Variants in CCT3 observed in about 807,000 individuals in gnomAD.
The protein encoded by CCT3 is chaperonin containing TCP1 subunit 3.
Under a neutral mutation model 65.3 loss-of-function variants are expected in CCT3, and 10 were observed. That is an observed-to-expected ratio of 0.15 (90% CI 0.09 to 0.26). The LOEUF (loss-of-function observed/expected upper bound fraction) is 0.26. Among genes scored for constraint, CCT3 ranks in the 10% least tolerant of loss-of-function variants. CCT3 has a pLI of 1.00. For synonymous variants in CCT3, 225 were observed against 242.3 expected (o/e 0.93, Z 0.66); for missense variants, 626 against 708.7 (o/e 0.88, Z 1.33).
chr1:156,319,958 G>A (rs1664483123), intron 7 of CCT3, among the ~76,000 whole-genome samples: 1 of 152,174 alleles, frequency 6.6e-6, no homozygotes, highest in Non-Finnish European at 1.5e-5. Flanking sequence ...CAAACATGGA[G>A]ACACCAATAA....
intron 6 of CCT3, among the ~76,000 whole-genome samples, chr1:156,323,391 A>G (rs1664652232): frequency 1.3e-5 from 2 of 151,546 alleles, no homozygotes; most frequent in Admixed American, 6.6e-5. Flanking sequence ...TGACTCAACC[A>G]TATGAGTAGA....
intron 7 of CCT3, among the ~76,000 whole-genome samples, chr1:156,319,698 C>T (rs1664468990): frequency 6.6e-6 from 1 of 151,890 alleles, no homozygotes; most frequent in Admixed American, 6.6e-5. Flanking sequence ...ACATTGAGAC[C>T]CAATTGCTAT....
chr1:156,318,731 T>C (rs1413748662), intron 8 of CCT3, 137 bp downstream of exon 8: 16 of 735,222 alleles, frequency 2.2e-5, no homozygotes, highest in Middle Eastern at 4.1e-4. Flanking sequence ...ATACCAACTA[T>C]TCTAAAGGAT....
chr1:156,328,453 T>G (rs1570931869), intron 5 of CCT3, among the ~76,000 whole-genome samples: 1 of 152,026 alleles, frequency 6.6e-6, no homozygotes, highest in African/African-American at 2.4e-5. Context: ...AATCGGATGG[T>G]TGCCGTGTCT....
At chr1:156,322,834 G>A (rs1289942341) in intron 6 of CCT3, among the ~76,000 whole-genome samples, 2 of 152,190 alleles carry the variant, frequency 1.3e-5, no homozygotes, top group African/African-American at 4.8e-5. Context: ...ATTCCAGCCT[G>A]AGCAACAAGA....
chr1:156,313,632 G>A (rs1168596992), intron 10 of CCT3, among the ~76,000 whole-genome samples: 1 of 152,174 alleles, frequency 6.6e-6, no homozygotes, highest in Admixed American at 6.6e-5. Context: ...TTGAAGTCAG[G>A]AAGTACTTTT....
intron 6 of CCT3, among the ~76,000 whole-genome samples, chr1:156,323,182 T>C (rs1664639623): frequency 6.6e-6 from 1 of 151,872 alleles, no homozygotes; most frequent in Admixed American, 6.6e-5. Context: ...TGCACATGCC[T>C]GTAATCCCAG....
intron 1 of CCT3, chr1:156,337,106 A>C (rs552555009): frequency 3.1e-6 from 4 of 1,285,240 alleles, no homozygotes; most frequent in African/African-American, 3.0e-5. Context: ...GGTGGTGCTC[A>C]TCAGAAAAAA....
At chr1:156,316,384 C>T (rs547976080) in intron 10 of CCT3, among the ~76,000 whole-genome samples, 86 of 152,282 alleles carry the variant, frequency 5.6e-4, no homozygotes, top group African/African-American at 2.0e-3. Flanking sequence ...TGACTGCATA[C>T]GTCTGACCGA....
At chr1:156,312,246 A>C in intron 10 of CCT3, 25 bp from the exon 11 acceptor site, 2 of 1,606,368 alleles carry the variant, frequency 1.2e-6, no homozygotes, top group South Asian at 2.2e-5. Flanking sequence ...AGGTGGGGAG[A>C]ATCAGATGAT....
At chr1:156,325,893 C>G (rs1664781578) in intron 5 of CCT3, among the ~76,000 whole-genome samples, 1 of 151,552 alleles carries the variant, frequency 6.6e-6, no homozygotes, top group African/African-American at 2.4e-5. Context: ...TTCTCTTGAT[C>G]TTTCTAAAAA....
At chr1:156,319,944 TAC>T (rs1367700927) in intron 7 of CCT3, among the ~76,000 whole-genome samples, 1 of 152,156 alleles carries the variant, frequency 6.6e-6, no homozygotes, top group Non-Finnish European at 1.5e-5. Context: ...TGTATGCAAA[TAC>T]ACAAACATGG....
At chr1:156,335,776 A>G (rs1338474477) in intron 2 of CCT3, 51 bp downstream of exon 2, 1 of 1,487,356 alleles carries the variant, frequency 6.7e-7, no homozygotes, top group Non-Finnish European at 9.4e-7. Context: ...ACCAAATACC[A>G]GGAAAGATAG....
intron 5 of CCT3, chr1:156,332,627 C>T (rs1416522299): frequency 6.6e-6 from 1 of 152,108 alleles, no homozygotes; most frequent in Non-Finnish European, 1.5e-5. Context: ...AGCTCTCACA[C>T]TGTAAAAAAA....
intron 5 of CCT3, among the ~76,000 whole-genome samples, chr1:156,327,031 G>T (rs528456719): frequency 6.6e-6 from 1 of 152,284 alleles, no homozygotes; most frequent in South Asian, 2.1e-4. Flanking sequence ...GGGTGATAGA[G>T]TGAGACTCTG....
In CCT3 at chr1:156,311,069, C is replaced by T; in HGVS notation, c.1282G>A (p.Ala428Thr). 1 of 1,614,086 alleles carries T rather than the reference C, an allele frequency of 6.2e-7. No individual in the cohort carries two copies. The highest frequency in any genetic ancestry group is 8.5e-7 in the Non-Finnish European group (1 of 1,180,028). The change falls in exon 12 of 14, where the codon GCC becomes ACC. Residue 428 changes from alanine to threonine, a missense_variant. By Grantham distance (58) the Ala-to-Thr change is moderately conservative (BLOSUM62 0). Transcript: ENST00000295688. ...GGCCATTGTTCCACACCAGTCATGG[C>T]CTTGGATTTTTCTGTCAAGGCATGG... ...VAHALTEKSKAMTGVEQWPYR... is the reference protein window; with the variant it reads ...VAHALTEKSKTMTGVEQWPYR...
intron 2 of CCT3, 137 bp from the exon 3 acceptor site, chr1:156,335,055 G>T: frequency 1.4e-6 from 1 of 691,926 alleles, no homozygotes; most frequent in Admixed American, 3.0e-5. Context: ...TTTATTTTTA[G>T]ATATGGGGTC....
intron 10 of CCT3, among the ~76,000 whole-genome samples, chr1:156,316,780 T>C (rs548449786): frequency 3.9e-5 from 6 of 152,298 alleles, no homozygotes; most frequent in African/African-American, 1.4e-4. Context: ...GCTAAGGATG[T>C]AGCTGAGGAA....
chr1:156,325,982 T>C (rs1056355848), intron 5 of CCT3, among the ~76,000 whole-genome samples: 1 of 152,250 alleles, frequency 6.6e-6, no homozygotes, highest in South Asian at 2.1e-4. Context: ...CTTTATACCT[T>C]AGGATGTAGT....
Sources: allele counts gnomAD v4.1 joint callset (sites outside exome capture counted in the v4.1 genomes callset), GRCh38; gene constraint gnomAD v4.1.1; transcripts MANE v1.5; gene names NCBI Gene and HGNC (gene_info 2026-07-23, HGNC 2026-07-21).